EIPR1: variants seen among roughly 807,000 people sequenced by gnomAD.
The protein encoded by EIPR1 is EARP and GARP complex-interacting protein 1.
EIPR1 carries 25 observed loss-of-function variants against 48.1 expected under a neutral mutation model. That is an observed-to-expected ratio of 0.52 (90% CI 0.38 to 0.73). The LOEUF (loss-of-function observed/expected upper bound fraction) is 0.73, where lower values mean the gene tolerates loss of function less well. Ranked by LOEUF, EIPR1 falls within the 30% of genes least tolerant of loss-of-function variation. EIPR1 has a pLI of 0.00. For missense variants in EIPR1, 415 were observed against 506.2 expected (o/e 0.82, Z 1.73); for synonymous variants, 204 against 201.9 (o/e 1.01, Z -0.09).
At chr2:3,195,850 A>C (rs563809004) in intron 6 of EIPR1, among the ~76,000 whole-genome samples, 1 of 152,322 alleles carries the variant, frequency 6.6e-6, no homozygotes, top group African/African-American at 2.4e-5. Context: ...CACAGACACA[A>C]CACGGGCAAA....
At chr2:3,248,589 G>A (rs529876712) in intron 4 of EIPR1, among the ~76,000 whole-genome samples, 30 of 150,648 alleles carry the variant, frequency 2.0e-4, no homozygotes, top group African/African-American at 5.1e-4. Flanking sequence ...CCAAGACTCC[G>A]TCTCGAAAAA....
intron 2 of EIPR1, among the ~76,000 whole-genome samples, chr2:3,340,393 T>C (rs1670201545): frequency 6.6e-6 from 1 of 152,202 alleles, no homozygotes; most frequent in Non-Finnish European, 1.5e-5. Flanking sequence ...GCCCGCCCTC[T>C]CCATTCGGGG....
At chr2:3,322,353 C>T (rs1206770632) in intron 3 of EIPR1, among the ~76,000 whole-genome samples, 1 of 152,206 alleles carries the variant, frequency 6.6e-6, no homozygotes, top group African/African-American at 2.4e-5. Flanking sequence ...TGAGTACTTA[C>T]TGTTTTGTCT....
intron 3 of EIPR1, chr2:3,320,184 G>A (rs543222361): frequency 1.1e-3 from 173 of 160,154 alleles, no homozygotes; most frequent in African/African-American, 3.7e-3. Flanking sequence ...TGGGTGACCC[G>A]CACCTGCAGG....
At chr2:3,317,071 G>A (rs1026611941) in intron 3 of EIPR1, among the ~76,000 whole-genome samples, 2 of 152,038 alleles carry the variant, frequency 1.3e-5, no homozygotes, top group South Asian at 2.1e-4. Context: ...AGAGCCCCAG[G>A]AGCGCATGAC....
At chr2:3,227,346 G>C (rs576255518) in intron 4 of EIPR1, among the ~76,000 whole-genome samples, 25 of 152,168 alleles carry the variant, frequency 1.6e-4, no homozygotes, top group Non-Finnish European at 2.2e-4. Context: ...CTGGAGTAAT[G>C]GTCACTTGCT....
intron 6 of EIPR1, among the ~76,000 whole-genome samples, chr2:3,196,419 G>C (rs543194607): frequency 6.6e-6 from 1 of 152,164 alleles, no homozygotes; most frequent in African/African-American, 2.4e-5. Flanking sequence ...GCTGCTGGCT[G>C]TTGGGTATAA....
In EIPR1 at chr2:3,191,608, C is replaced by T. The variant is rs181176604; in HGVS notation, c.989+806G>A. Among the ~76,000 whole-genome samples, 29 of 152,326 alleles carry T rather than the reference C, an allele frequency of 1.9e-4. No homozygotes were observed. In the East Asian group the frequency reaches 5.2e-3, roughly 27 times the overall value. Reference sequence around the variant, plus strand: ...CTGTCCAACTTCACAAGGTTTTATTCCAGAACCTCCTTCCTCTGGAACCTG... The same window carrying T: ...CTGTCCAACTTCACAAGGTTTTATTTCAGAACCTCCTTCCTCTGGAACCTG... On this transcript the variant is annotated intron_variant, in intron 8 of 8. Coordinates refer to ENST00000382125, the MANE Select transcript of EIPR1 (RefSeq NM_003310.5).
intron 3 of EIPR1, among the ~76,000 whole-genome samples, chr2:3,311,442 C>T (rs1337183124): frequency 3.3e-5 from 5 of 152,158 alleles, no homozygotes; most frequent in Non-Finnish European, 7.4e-5. Flanking sequence ...ACAAGCAAGT[C>T]CCATAAGGTC....
intron 4 of EIPR1, among the ~76,000 whole-genome samples, chr2:3,255,792 C>T (rs1558254245): frequency 6.6e-6 from 1 of 150,478 alleles, no homozygotes; most frequent in Non-Finnish European, 1.5e-5. Flanking sequence ...TCTCCTGCAA[C>T]GTGTACACAC....
chr2:3,320,196 A>G (rs2103324163), intron 3 of EIPR1: 1 of 173,596 alleles, frequency 5.8e-6, no homozygotes, highest in Non-Finnish European at 1.2e-5. Flanking sequence ...ACCTGCAGGC[A>G]GGGCAACACC....
intron 4 of EIPR1, among the ~76,000 whole-genome samples, chr2:3,214,648 A>T (rs1285925660): frequency 1.6e-4 from 25 of 152,224 alleles, no homozygotes; most frequent in Non-Finnish European, 2.9e-5. Context: ...CACTCACATC[A>T]GCCTACAGCT....
At chr2:3,220,691 A>T (rs897953706) in intron 4 of EIPR1, among the ~76,000 whole-genome samples, 11 of 148,638 alleles carry the variant, frequency 7.4e-5, no homozygotes, top group East Asian at 4.1e-4. Context: ...CAGGAACACA[A>T]GCACACAATG....
intron 1 of EIPR1, among the ~76,000 whole-genome samples, chr2:3,369,206 C>T (rs1671047019): frequency 6.6e-6 from 1 of 152,194 alleles, no homozygotes; most frequent in Non-Finnish European, 1.5e-5. Flanking sequence ...CTTAGAGAAT[C>T]AATTTCATTC....
chr2:3,291,602 A>G (rs1219414164), intron 3 of EIPR1, among the ~76,000 whole-genome samples: 3 of 152,210 alleles, frequency 2.0e-5, no homozygotes, highest in Non-Finnish European at 4.4e-5. Flanking sequence ...TTCAATCTGC[A>G]TCCATTTGTC....
chr2:3,195,176 C>T (rs1273781130), intron 6 of EIPR1, among the ~76,000 whole-genome samples: 1 of 152,238 alleles, frequency 6.6e-6, no homozygotes, highest in Non-Finnish European at 1.5e-5. Flanking sequence ...GCAGGTCATC[C>T]AGTGAGGCTG....
chr2:3,252,674 G>A (rs1355777496), intron 4 of EIPR1, among the ~76,000 whole-genome samples: 2 of 152,142 alleles, frequency 1.3e-5, no homozygotes, highest in Admixed American at 6.5e-5. Context: ...GAGAGGGAAG[G>A]GTTAACCAGG....
At chr2:3,244,798 A>C (rs771512162) in intron 4 of EIPR1, among the ~76,000 whole-genome samples, 49 of 152,228 alleles carry the variant, frequency 3.2e-4, no homozygotes, top group Non-Finnish European at 5.7e-4. Flanking sequence ...AAGCAGCCCA[A>C]ATGGACTAAG....
At chr2:3,288,617 C>G (rs1026881623) in intron 3 of EIPR1, among the ~76,000 whole-genome samples, 2 of 152,212 alleles carry the variant, frequency 1.3e-5, no homozygotes, top group Non-Finnish European at 2.9e-5. Flanking sequence ...TGCTAAGCAA[C>G]AGCCTTCCCA....
Sources: gnomAD v4.1 joint callset for allele counts (sites outside exome capture counted in the v4.1 genomes callset) on GRCh38, gnomAD v4.1.1 for gene constraint, MANE v1.5 for transcripts, NCBI Gene and HGNC (gene_info 2026-07-23, HGNC 2026-07-21) for gene names.